Variants in DCUN1D4 observed in about 807,000 individuals in gnomAD.
DCUN1D4 encodes DCN1-like protein 4.
DCUN1D4 carries 22 observed loss-of-function variants against 47.9 expected under a neutral mutation model. The observed-to-expected ratio is 0.46, with a 90% confidence interval of 0.33 to 0.66. The LOEUF (loss-of-function observed/expected upper bound fraction) is 0.66, where lower values mean the gene tolerates loss of function less well. DCUN1D4 is among the 30% of genes least tolerant of loss of function. The pLI is 0.02. For missense variants in DCUN1D4, 301 were observed against 340.8 expected, an observed-to-expected ratio of 0.88 and a Z score of 0.92; for synonymous variants, 121 against 112.2, an observed-to-expected ratio of 1.08 and a Z score of -0.50.
At chr4:51,862,291 C>G (rs1725193884) in intron 1 of DCUN1D4, among the ~76,000 whole-genome samples, 1 of 152,240 alleles carries the variant, frequency 6.6e-6, no homozygotes, top group South Asian at 2.1e-4. Context: ...GCCCTGCAGA[C>G]CTACTCAGAA....
chr4:51,834,082 C>CTTTTTT, the DCUN1D4 span, among the ~76,000 whole-genome samples: 1 of 57,300 alleles, frequency 1.7e-5, no homozygotes, highest in Non-Finnish European at 3.0e-5. Context: ...CTCTCTCTCT[C>CTTTTTT]TCTCTTTTCT....
chr4:51,838,875 G>C (rs1278660808), upstream of DCUN1D4, among the ~76,000 whole-genome samples: 1 of 152,152 alleles, frequency 6.6e-6, no homozygotes, highest in Non-Finnish European at 1.5e-5. Context: ...AGGAGTTTGA[G>C]ACCATCCTGG....
intron 9 of DCUN1D4, among the ~76,000 whole-genome samples, chr4:51,911,604 A>T (rs1035068315): frequency 1.3e-5 from 2 of 152,118 alleles, no homozygotes; most frequent in African/African-American, 4.8e-5. Flanking sequence ...GTTCTTATCT[A>T]CTCTTGTCAC....
rs2109767787 is a variant in DCUN1D4, at chr4:51,843,284, C to T, written c.25+17C>T. ...CCGCTGTCAGTGAGTAGCAGAGAGC[C>T]AGCCAGCGGGCCGGGGCCGGGCGGC... is the stretch of plus-strand genomic sequence containing the variant. On this transcript the variant is annotated intron_variant, in intron 1 of 10. Coordinates refer to ENST00000334635, the MANE Select transcript of DCUN1D4 (RefSeq NM_001040402.3). 1.3e-6 allele frequency: 2 copies of T among 1,527,054 alleles called. No individual in the cohort carries two copies. The highest frequency in any genetic ancestry group is 2.5e-5 in the South Asian group (2 of 81,520). The allele number at this position is 1,527,054 out of a possible 1,614,324, so 94.6% of individuals were successfully genotyped here. A position where few individuals can be genotyped will look rare whatever the true frequency, so the allele number is the denominator to read the frequency against.
chr4:51,857,698 G>A (rs145420385), intron 1 of DCUN1D4, among the ~76,000 whole-genome samples: 60 of 152,254 alleles, frequency 3.9e-4, no homozygotes, highest in African/African-American at 1.0e-3. Flanking sequence ...AGATCCTTAG[G>A]AGATTAAATC....
At chr4:51,909,120 G>T in intron 8 of DCUN1D4, 2 of 397,522 alleles carry the variant, frequency 5.0e-6, no homozygotes, top group East Asian at 7.3e-5. Context: ...AGTCTGTCCA[G>T]GTCTTTTGTA....
intron 1 of DCUN1D4, among the ~76,000 whole-genome samples, chr4:51,862,561 A>G (rs964611495): frequency 6.6e-6 from 1 of 152,110 alleles, no homozygotes; most frequent in African/African-American, 2.4e-5. Flanking sequence ...ATATCTTTTC[A>G]TGGTCATTTT....
At chr4:51,884,065 C>T (rs1577969955) in intron 5 of DCUN1D4, among the ~76,000 whole-genome samples, 1 of 150,210 alleles carries the variant, frequency 6.7e-6, no homozygotes, top group East Asian at 1.9e-4. Flanking sequence ...GGGACAAAAC[C>T]CCAGAAAAAA....
chr4:51,911,295 G>A (rs1733682003), intron 9 of DCUN1D4, 121 bp downstream of exon 9: 3 of 848,718 alleles, frequency 3.5e-6, no homozygotes, highest in South Asian at 1.5e-5. Context: ...AGGAATTACG[G>A]TGACATAATT....
At chr4:51,872,558 C>T (rs1727061532) in intron 3 of DCUN1D4, among the ~76,000 whole-genome samples, 1 of 152,222 alleles carries the variant, frequency 6.6e-6, no homozygotes, top group Admixed American at 6.5e-5. Context: ...GCATGCTCTC[C>T]TCCTTTGGCT....
At chr4:51,834,059 TC>T in the DCUN1D4 span, among the ~76,000 whole-genome samples, 28 of 137,640 alleles carry the variant, frequency 2.0e-4, no homozygotes, top group Non-Finnish European at 2.1e-4. Flanking sequence ...TCTCTCTCTC[TC>T]TCTCTCTCTC....
At chr4:51,855,203 T>C (rs1180283804) in intron 1 of DCUN1D4, among the ~76,000 whole-genome samples, 1 of 152,090 alleles carries the variant, frequency 6.6e-6, no homozygotes, top group Non-Finnish European at 1.5e-5. Context: ...GGCAAATCTA[T>C]AGAGACAGAA....
intron 5 of DCUN1D4, among the ~76,000 whole-genome samples, chr4:51,885,639 C>A (rs538061804): frequency 5.3e-5 from 8 of 152,242 alleles, no homozygotes; most frequent in African/African-American, 1.9e-4. Flanking sequence ...TCTAGAAAGA[C>A]ATTTGGGTAG....
rs760788339 is a variant in DCUN1D4 at position 51,874,421 on chromosome 4, A to G, written c.251+36A>G. ...GAGACAGTAGATCAGAATCAGTGAT[A>G]CATATGTCGAAGATGCACATTTCTA... is the stretch of plus-strand genomic sequence containing the variant. On this transcript the variant is annotated intron_variant, in intron 4 of 10. Transcript: ENST00000334635. The G allele has an allele frequency of 4.3e-5, 64 of 1,497,496 alleles. No individual in the cohort carries two copies. In the Middle Eastern group the frequency reaches 6.9e-4, roughly 16 times the overall value. The allele number at this position is 1,497,496 out of a possible 1,614,324, so 92.8% of individuals were successfully genotyped here.
At chr4:51,842,987 A>C, upstream of DCUN1D4, 1 of 1,201,310 alleles carries the variant, frequency 8.3e-7, no homozygotes, top group Non-Finnish European at 1.1e-6. Flanking sequence ...CCCCAGGACC[A>C]ATCGTATTGG....
At chr4:51,896,918 T>C (rs1236357153) in intron 7 of DCUN1D4, among the ~76,000 whole-genome samples, 1 of 152,224 alleles carries the variant, frequency 6.6e-6, no homozygotes, top group Non-Finnish European at 1.5e-5. Context: ...TTTATGAGAC[T>C]GACCCCATGT....
chr4:51,853,660 A>C (rs939940205), intron 1 of DCUN1D4, among the ~76,000 whole-genome samples: 4 of 152,184 alleles, frequency 2.6e-5, no homozygotes, highest in African/African-American at 9.7e-5. Context: ...GTGGTGCCCC[A>C]CACCCATTTT....
chr4:51,877,470 T>A (rs557430773), intron 4 of DCUN1D4: 14 of 182,304 alleles, frequency 7.7e-5, no homozygotes, highest in East Asian at 1.5e-4. Context: ...TAGTTCTGGC[T>A]GGTGAGGTAG....
chr4:51,904,355 A>C (rs1340654564), intron 8 of DCUN1D4, among the ~76,000 whole-genome samples: 1 of 152,084 alleles, frequency 6.6e-6, no homozygotes, highest in Non-Finnish European at 1.5e-5. Context: ...ACTCATTTGC[A>C]ATGTTTCTTT....
Sources: gnomAD v4.1 joint callset for allele counts (sites outside exome capture counted in the v4.1 genomes callset) on GRCh38, gnomAD v4.1.1 for gene constraint, MANE v1.5 for transcripts, NCBI Gene and HGNC (gene_info 2026-07-23, HGNC 2026-07-21) for gene names.